SAMD4A: variants seen among roughly 807,000 people sequenced by gnomAD.
SAMD4A encodes the protein sterile alpha motif domain containing 4A, also known as protein Smaug homolog 1.
SAMD4A carries 33 observed loss-of-function variants against 81.3 expected under a neutral mutation model. That is an observed-to-expected ratio of 0.41 (90% CI 0.31 to 0.54). The LOEUF is 0.54. SAMD4A is among the 20% of genes least tolerant of loss of function. SAMD4A has a pLI of 0.37. For synonymous variants in SAMD4A, 389 were observed against 382.1 expected (o/e 1.02, Z -0.21); for missense variants, 854 against 951.1 (o/e 0.90, Z 1.34).
chr14:54,597,071 G>A (rs1433424351), intron 2 of SAMD4A, among the ~76,000 whole-genome samples: 1 of 150,800 alleles, frequency 6.6e-6, no homozygotes, highest in Non-Finnish European at 1.5e-5. Flanking sequence ...ATCTGTATTA[G>A]CTTTGGGGAG....
chr14:54,683,025 G>A (rs778797922), intron 2 of SAMD4A, among the ~76,000 whole-genome samples: 1 of 152,172 alleles, frequency 6.6e-6, no homozygotes, highest in Non-Finnish European at 1.5e-5. Flanking sequence ...GGGAAGCTGA[G>A]TGCCCCAAGG....
intron 2 of SAMD4A, among the ~76,000 whole-genome samples, chr14:54,623,460 T>A (rs2034665631): frequency 1.3e-5 from 1 of 77,032 alleles, no homozygotes; most frequent in Admixed American, 2.0e-4. Flanking sequence ...GACCCCTCTG[T>A]TAATAAATAA....
chr14:54,587,916 G>A (rs1286132491), intron 2 of SAMD4A, among the ~76,000 whole-genome samples: 3 of 152,130 alleles, frequency 2.0e-5, no homozygotes, highest in Non-Finnish European at 2.9e-5. Context: ...TGATTAGGGA[G>A]GATTCCCTCT....
chr14:54,617,663 C>A (rs1777437405), intron 2 of SAMD4A, among the ~76,000 whole-genome samples: 1 of 152,164 alleles, frequency 6.6e-6, no homozygotes, highest in African/African-American at 2.4e-5. Context: ...AATCTTTCGA[C>A]CTCTTCCTCC....
chr14:54,653,582 C>A (rs556252330), intron 2 of SAMD4A, among the ~76,000 whole-genome samples: 2 of 151,934 alleles, frequency 1.3e-5, no homozygotes, highest in Non-Finnish European at 2.9e-5. Context: ...TCAAGTGATC[C>A]ACCCACCTTG....
At chr14:54,742,354 A>G (rs1410981902) in intron 4 of SAMD4A, among the ~76,000 whole-genome samples, 2 of 152,132 alleles carry the variant, frequency 1.3e-5, no homozygotes, top group African/African-American at 4.8e-5. Context: ...GGGGGGCAGC[A>G]TGGGGCCTGG....
intron 8 of SAMD4A, among the ~76,000 whole-genome samples, chr14:54,766,452 C>T (rs1021178831): frequency 1.3e-5 from 2 of 152,170 alleles, no homozygotes; most frequent in Non-Finnish European, 2.9e-5. Flanking sequence ...TCCCTGAGTG[C>T]CCTGGAGCAC....
chr14:54,673,009 C>T (rs542256531), intron 2 of SAMD4A, among the ~76,000 whole-genome samples: 1 of 152,162 alleles, frequency 6.6e-6, no homozygotes, highest in East Asian at 1.9e-4. Flanking sequence ...TACCTGGGAC[C>T]CTTTCTCGAA....
chr14:54,601,917 A>G (rs1328292505), intron 2 of SAMD4A, among the ~76,000 whole-genome samples: 1 of 152,206 alleles, frequency 6.6e-6, no homozygotes, highest in Non-Finnish European at 1.5e-5. Context: ...CTTTGGGGTG[A>G]GTTGATGGTG....
Position 54,792,355 on chromosome 14 carries a change from G to C in SAMD4A, c.*3411G>C, listed in dbSNP as rs546849456. The C allele has an allele frequency of 2.0e-5, 3 of 152,254 alleles. No homozygotes were observed. Among genetic ancestry groups the C allele is most frequent in the East Asian group, 1.9e-4 (1 of 5,192 alleles). The allele number at this position is 152,254 out of a possible 1,614,324, so 9.4% of individuals were successfully genotyped here. A position where few individuals can be genotyped will look rare whatever the true frequency, so the allele number is the denominator to read the frequency against. ...TTGAAGAGACACTGAGGGAAACAAGGGTTTCTTTTGAGGTGTCCTTGGCTG... is the reference window on the plus strand; with the variant it reads ...TTGAAGAGACACTGAGGGAAACAAGCGTTTCTTTTGAGGTGTCCTTGGCTG... On this transcript the variant is annotated 3_prime_UTR_variant, in exon 13 of 13. Transcript: ENST00000554335.
intron 3 of SAMD4A, among the ~76,000 whole-genome samples, chr14:54,704,526 C>G (rs1006897575): frequency 2.0e-5 from 3 of 152,214 alleles, no homozygotes; most frequent in African/African-American, 4.8e-5. Flanking sequence ...AGTCATCAAG[C>G]ACCTATTTCT....
At chr14:54,757,087 G>A (rs1364149174) in intron 6 of SAMD4A, among the ~76,000 whole-genome samples, 1 of 152,204 alleles carries the variant, frequency 6.6e-6, no homozygotes, top group Non-Finnish European at 1.5e-5. Context: ...TTACAGTCAA[G>A]GGTGCTAGAT....
At chr14:54,736,987 G>A (rs1398474221) in intron 3 of SAMD4A, 37 bp from the exon 4 acceptor site, 2 of 1,606,354 alleles carry the variant, frequency 1.2e-6, no homozygotes, top group Non-Finnish European at 1.7e-6. Context: ...GGATAAAGGG[G>A]GGGGAATAAC....
intron 2 of SAMD4A, among the ~76,000 whole-genome samples, chr14:54,690,427 C>T (rs1258166814): frequency 6.6e-6 from 1 of 151,980 alleles, no homozygotes; most frequent in Non-Finnish European, 1.5e-5. Flanking sequence ...ATAGACTAAG[C>T]TCTTTTTTTT....
At chr14:54,601,347 T>A (rs1241547450) in intron 2 of SAMD4A, among the ~76,000 whole-genome samples, 1 of 152,212 alleles carries the variant, frequency 6.6e-6, no homozygotes, top group Non-Finnish European at 1.5e-5. Flanking sequence ...TTTTGAGCCA[T>A]TTTAAATCCA....
intron 6 of SAMD4A, among the ~76,000 whole-genome samples, chr14:54,756,655 T>C (rs1161455076): frequency 6.6e-6 from 1 of 152,208 alleles, no homozygotes; most frequent in East Asian, 1.9e-4. Flanking sequence ...GTCTATTATG[T>C]GAGAATCCCA....
chr14:54,760,388 CG>C lies in SAMD4A; in HGVS notation c.1410del (p.Leu471SerfsTer6). On this transcript the variant is annotated frameshift_variant, in exon 7 of 13. Transcript: ENST00000554335. LOFTEE classifies it high-confidence loss of function. ...ATATPSAGASGGLQPHQLSSC... is the reference protein window; with the variant it reads ...ATATPSAGASXGLQPHQLSSC... ...CGGCCACCCCCTCGGCCGGGGCCAG[CG>C]GGGGGCTCCAGCCGCACCAGCTGAG... 2 of 1,504,924 alleles carry C rather than the reference CG, an allele frequency of 1.3e-6. No homozygotes were observed. The allele number at this position is 1,504,924 out of a possible 1,614,324, so 93.2% of individuals were successfully genotyped here. A position where few individuals can be genotyped will look rare whatever the true frequency, so the allele number is the denominator to read the frequency against.
At position 54,572,415 on chromosome 14, in the gene SAMD4A, A is replaced by G. The variant is rs1394589971; in HGVS notation, c.196+4303A>G. ...AGAAGGTATCTCCCATGCAGAAGAT[A>G]GTGTTATCCCCTTTAATGTATGGGC... On this transcript the variant is annotated intron_variant, in intron 2 of 12. Coordinates refer to ENST00000554335, the MANE Select transcript of SAMD4A (RefSeq NM_015589.6). Among the ~76,000 whole-genome samples, 5 of 152,184 alleles carry G rather than the reference A, an allele frequency of 3.3e-5. No individual in the cohort carries two copies. The East Asian group carries it at 9.6e-4, about 29-fold the overall frequency.
At chr14:54,701,961 T>G in intron 2 of SAMD4A, 101 bp from the exon 3 acceptor site, 4 of 1,279,212 alleles carry the variant, frequency 3.1e-6, no homozygotes, top group Non-Finnish European at 3.2e-6. Flanking sequence ...AGCCAGACTA[T>G]GTAGATTGGG....
Sources: allele counts gnomAD v4.1 joint callset (sites outside exome capture counted in the v4.1 genomes callset), GRCh38; gene constraint gnomAD v4.1.1; transcripts MANE v1.5; gene names NCBI Gene and HGNC (gene_info 2026-07-23, HGNC 2026-07-21).